Variants in AP1G1 observed in about 807,000 individuals in gnomAD.
The protein encoded by AP1G1 is AP-1 complex subunit gamma-1.
AP1G1 carries 7 observed loss-of-function variants against 108.3 expected under a neutral mutation model. That is an observed-to-expected ratio of 0.06 (90% CI 0.04 to 0.12). AP1G1 has a LOEUF of 0.12. Among genes scored for constraint, AP1G1 ranks in the 10% least tolerant of loss-of-function variants. The pLI is 1.00. For synonymous variants in AP1G1, 379 were observed against 353.5 expected, an observed-to-expected ratio of 1.07 and a Z score of -0.81; for missense variants, 756 against 1,010.7, an observed-to-expected ratio of 0.75 and a Z score of 3.42.
intron 1 of AP1G1, among the ~76,000 whole-genome samples, chr16:71,806,276 C>T (rs1273964297): frequency 6.6e-6 from 1 of 152,148 alleles, no homozygotes; most frequent in Non-Finnish European, 1.5e-5. Context: ...GTTTCCTAAA[C>T]GCAAAGCAGA....
At chr16:71,746,301 C>T (rs998187501) in intron 17 of AP1G1, among the ~76,000 whole-genome samples, 1 of 152,110 alleles carries the variant, frequency 6.6e-6, no homozygotes, top group African/African-American at 2.4e-5. Context: ...TGAGCCACCA[C>T]GCCCGGCCTC....
intron 1 of AP1G1, among the ~76,000 whole-genome samples, chr16:71,800,372 C>CAA (rs1204514110): frequency 2.4e-4 from 15 of 62,716 alleles, no homozygotes; most frequent in East Asian, 1.7e-3. Context: ...CTCCCCATCT[C>CAA]AAAAAAAAAA....
chr16:71,793,765 A>G (rs1301916825), intron 1 of AP1G1, among the ~76,000 whole-genome samples: 1 of 149,904 alleles, frequency 6.7e-6, no homozygotes, highest in African/African-American at 2.5e-5. Flanking sequence ...GCTCACTGCA[A>G]TCTCTGCCTC....
At chr16:71,752,572 T>C (rs1597047183) in intron 13 of AP1G1, among the ~76,000 whole-genome samples, 1 of 152,334 alleles carries the variant, frequency 6.6e-6, no homozygotes, top group Non-Finnish European at 1.5e-5. Flanking sequence ...GGTTTTCTCC[T>C]ACTATAAACA....
chr16:71,806,801 A>ATTTTT (rs1251092694), intron 1 of AP1G1: 2 of 961,802 alleles, frequency 2.1e-6, no homozygotes, highest in Non-Finnish European at 2.8e-6. Context: ...TAACTAATAT[A>ATTTTT]TTTTTGAAAA....
intron 2 of AP1G1, among the ~76,000 whole-genome samples, chr16:71,787,086 C>T (rs913012189): frequency 2.0e-5 from 3 of 151,018 alleles, no homozygotes; most frequent in Admixed American, 1.3e-4. Context: ...TTTAGGAGGC[C>T]GAGACAGACA....
At position 71,776,024 on chromosome 16, in the gene AP1G1, CA is replaced by C. The variant is rs532280802; in HGVS notation, c.202-1433del. 4.6e-5 allele frequency among the ~76,000 whole-genome samples: 7 copies of C among 152,278 alleles called. No homozygotes were observed. In the South Asian group the frequency reaches 1.4e-3, roughly 32 times the overall value. ...TCTAGAGCAGTATTCAAAGTGCGTA[CA>C]CAAGACAGACTAACCAAGAAGAGTT... On this transcript the variant is annotated intron_variant, in intron 2 of 22. Coordinates refer to ENST00000299980, the MANE Select transcript of AP1G1 (RefSeq NM_001128.6).
At chr16:71,802,720 ACT>A (rs1275871066) in intron 1 of AP1G1, among the ~76,000 whole-genome samples, 2 of 150,992 alleles carry the variant, frequency 1.3e-5, no homozygotes, top group African/African-American at 4.9e-5. Context: ...ACAGAGCAAG[ACT>A]CTGTCTCAAA....
intron 3 of AP1G1, among the ~76,000 whole-genome samples, chr16:71,773,786 T>C (rs1193605848): frequency 6.6e-6 from 1 of 151,710 alleles, no homozygotes; most frequent in Non-Finnish European, 1.5e-5. Flanking sequence ...CCACTAAAAC[T>C]GTAAAAATTG....
intron 7 of AP1G1, 95 bp downstream of exon 7, chr16:71,765,394 A>G (rs2031272051): frequency 1.2e-6 from 1 of 810,358 alleles, no homozygotes; most frequent in South Asian, 1.7e-5. Context: ...TAACTACCAA[A>G]TTTCTACTCA....
rs573024372 is a variant in AP1G1 at position 71,731,374 on chromosome 16, G to C, written c.*1684C>G. 3 of 152,720 alleles carry C rather than the reference G, an allele frequency of 2.0e-5. No homozygotes were observed. The highest frequency in any genetic ancestry group is 7.2e-5 in the African/African-American group (3 of 41,550). The allele number at this position is 152,720 out of a possible 1,614,324, so 9.5% of individuals were successfully genotyped here. On this transcript the variant is annotated 3_prime_UTR_variant, in exon 23 of 23. Transcript: ENST00000299980. ...TATTCCAGCATCTGATACAGAGCTAGATTTGACAAGACACTGAAGATTTTA... is the reference window on the plus strand; with the variant it reads ...TATTCCAGCATCTGATACAGAGCTACATTTGACAAGACACTGAAGATTTTA...
In AP1G1 at chr16:71,739,689, C is replaced by T. The variant is rs796839235; in HGVS notation, c.2000-348G>A. Among the ~76,000 whole-genome samples, 7 of 149,842 alleles carry T rather than the reference C, an allele frequency of 4.7e-5. 1 individual carries two copies. The highest frequency in any genetic ancestry group is 1.7e-4 in the African/African-American group (7 of 40,702). On this transcript the variant is annotated intron_variant, in intron 19 of 22. Transcript: ENST00000299980. The stretch of plus-strand genomic sequence containing the variant: ...ATCACTGGAGCCTGGAAAGTTGAGG[C>T]TACAGTGAGCTTGCACCACTGTACT...
intron 1 of AP1G1, among the ~76,000 whole-genome samples, chr16:71,791,763 CTTTTTTTTTT>C (rs34099153): frequency 8.8e-6 from 1 of 113,388 alleles, no homozygotes; most frequent in African/African-American, 3.4e-5. Context: ...TAAACTCTGA[CTTTTTTTTTT>C]TTTTTTTTTG....
At chr16:71,774,428 G>A (rs1391296155) in intron 3 of AP1G1, 40 bp downstream of exon 3, 1 of 1,577,938 alleles carries the variant, frequency 6.3e-7, no homozygotes, top group East Asian at 2.3e-5. Flanking sequence ...AAAGAACAAA[G>A]TAGTTAACAG....
intron 5 of AP1G1, 133 bp from the exon 6 acceptor site, chr16:71,769,832 T>G: frequency 1.5e-6 from 1 of 654,256 alleles, no homozygotes; most frequent in East Asian, 3.0e-5. Context: ...CCAAAGCATC[T>G]AAGCATTGAA....
At chr16:71,797,019 TA>T (rs2032611311) in intron 1 of AP1G1, among the ~76,000 whole-genome samples, 1 of 108,872 alleles carries the variant, frequency 9.2e-6, no homozygotes, top group Non-Finnish European at 2.0e-5. Flanking sequence ...AAAAAAATTA[TA>T]TATATATATA....
intron 21 of AP1G1, 79 bp downstream of exon 21, chr16:71,738,863 A>G: frequency 7.7e-7 from 1 of 1,294,066 alleles, no homozygotes; most frequent in Non-Finnish European, 1.1e-6. Flanking sequence ...ATTAAAACAT[A>G]TCCTTTACCA....
In AP1G1 at chr16:71,786,801, G is replaced by A. The variant is rs371356107; in HGVS notation, c.201+2478C>T. On this transcript the variant is annotated intron_variant, in intron 2 of 22. Coordinates refer to ENST00000299980, the MANE Select transcript of AP1G1 (RefSeq NM_001128.6). ...TAGCTGACCGGGCACAATAGTGCAC[G>A]CCTGTAATCTCAGTACTTTGAGAGG... Among the ~76,000 whole-genome samples the A allele has an allele frequency of 1.3e-4, 19 of 151,938 alleles. 1 individual carries two copies. The highest frequency in any genetic ancestry group is 9.2e-4 in the Admixed American group (14 of 15,238).
chr16:71,808,147 G>A (rs2033060989), intron 1 of AP1G1: 2 of 1,149,840 alleles, frequency 1.7e-6, no homozygotes, highest in South Asian at 1.8e-5. Flanking sequence ...CGCAGGGCCA[G>A]GAGCTGAGAA....
Sources: allele counts gnomAD v4.1 joint callset (sites outside exome capture counted in the v4.1 genomes callset), GRCh38; gene constraint gnomAD v4.1.1; transcripts MANE v1.5; gene names NCBI Gene and HGNC (gene_info 2026-07-23, HGNC 2026-07-21).